LINGO2: variants seen among roughly 807,000 people sequenced by gnomAD.
The protein encoded by LINGO2 is leucine-rich repeat and immunoglobulin-like domain-containing nogo receptor-interacting protein 2.
Under a neutral mutation model 30.6 loss-of-function variants are expected in LINGO2, and 14 were observed. That is an observed-to-expected ratio of 0.46 (90% confidence interval 0.30 to 0.72). LINGO2 has a LOEUF of 0.72. Among genes scored for constraint, LINGO2 ranks in the 30% least tolerant of loss-of-function variants. The pLI, the probability that LINGO2 is intolerant of heterozygous loss-of-function variation, is 0.07. For synonymous variants in LINGO2, 317 were observed against 288.5 expected (o/e 1.10, Z -1.00); for missense variants, 729 against 751.7 (o/e 0.97, Z 0.35).
intron 1 of LINGO2, among the ~76,000 whole-genome samples, chr9:28,546,456 G>T (rs1467336184): frequency 6.6e-6 from 1 of 151,996 alleles, no homozygotes; most frequent in Non-Finnish European, 1.5e-5. Context: ...AACTCAGCAA[G>T]GCTTGTTTGT....
chr9:28,935,263 G>C, the LINGO2 span, among the ~76,000 whole-genome samples: 2 of 152,012 alleles, frequency 1.3e-5, no homozygotes, highest in African/African-American at 4.8e-5. Context: ...CATTCAACCG[G>C]AATAACAGCA....
At chr9:29,182,823 T>G in the LINGO2 span, among the ~76,000 whole-genome samples, 1 of 152,132 alleles carries the variant, frequency 6.6e-6, no homozygotes, top group Non-Finnish European at 1.5e-5. Flanking sequence ...ATAGTGTAAC[T>G]GATTTTAGAG....
At chr9:28,468,050 A>G (rs182611576) in intron 2 of LINGO2, among the ~76,000 whole-genome samples, 65 of 152,314 alleles carry the variant, frequency 4.3e-4, no homozygotes, top group Middle Eastern at 3.4e-3. Context: ...CCTTTTATCC[A>G]TCACAGAAAA....
the LINGO2 span, among the ~76,000 whole-genome samples, chr9:28,953,805 A>T: frequency 6.6e-6 from 1 of 152,128 alleles, no homozygotes; most frequent in Non-Finnish European, 1.5e-5. Flanking sequence ...ATCAGTTACA[A>T]TATAAAATCT....
At chr9:27,987,950 C>T (rs910327013) in intron 5 of LINGO2, among the ~76,000 whole-genome samples, 3 of 152,042 alleles carry the variant, frequency 2.0e-5, no homozygotes, top group African/African-American at 4.8e-5. Context: ...CGTGCTGCAT[C>T]CATTAACTCG....
chr9:28,632,447 A>T (rs1826990206), intron 1 of LINGO2, among the ~76,000 whole-genome samples: 1 of 151,436 alleles, frequency 6.6e-6, no homozygotes, highest in Non-Finnish European at 1.5e-5. Context: ...TATTCATAAA[A>T]TAAGCAAAAA....
chr9:27,974,687 T>C (rs577158966), intron 5 of LINGO2, among the ~76,000 whole-genome samples: 1 of 152,138 alleles, frequency 6.6e-6, no homozygotes, highest in African/African-American at 2.4e-5. Flanking sequence ...CCATAAACAG[T>C]TGGGCTTAAC....
chr9:28,315,874 A>G lies in LINGO2; in HGVS notation c.-245-20508T>C, dbSNP rs74979090. 1.5e-3 allele frequency among the ~76,000 whole-genome samples: 227 copies of G among 152,326 alleles called. 4 individuals are homozygous for G. In the East Asian group the frequency reaches 0.04, roughly 27 times the overall value. On this transcript the variant is annotated intron_variant, in intron 3 of 5. Coordinates refer to ENST00000379992, the Ensembl canonical transcript of LINGO2. ...AATTCTTAGTATAGGGTATAATAATAGCGTAAGATTTGTGAATATGCAAAT... is the reference window on the plus strand; with the variant it reads ...AATTCTTAGTATAGGGTATAATAATGGCGTAAGATTTGTGAATATGCAAAT...
chr9:28,026,075 T>C (rs1346575412), intron 4 of LINGO2, among the ~76,000 whole-genome samples: 1 of 152,198 alleles, frequency 6.6e-6, no homozygotes, highest in Non-Finnish European at 1.5e-5. Flanking sequence ...GGCCTTCCTT[T>C]GCTTCTCTAC....
At chr9:28,205,297 G>A (rs1820371514) in intron 4 of LINGO2, among the ~76,000 whole-genome samples, 1 of 152,162 alleles carries the variant, frequency 6.6e-6, no homozygotes, top group Admixed American at 6.5e-5. Flanking sequence ...ATGTACCTGT[G>A]TTTTGCTGTT....
At chr9:28,569,334 C>T (rs1823555629) in intron 1 of LINGO2, among the ~76,000 whole-genome samples, 1 of 151,846 alleles carries the variant, frequency 6.6e-6, no homozygotes, top group Non-Finnish European at 1.5e-5. Flanking sequence ...GATAGTTGTA[C>T]TCTCCTGTTC....
intron 3 of LINGO2, among the ~76,000 whole-genome samples, chr9:28,296,156 G>C (rs1305033531): frequency 6.6e-6 from 1 of 152,086 alleles, no homozygotes; most frequent in African/African-American, 2.4e-5. Context: ...AACTTAATTA[G>C]CATGTTTGAC....
chr9:28,194,283 A>C (rs1444564067), intron 4 of LINGO2, among the ~76,000 whole-genome samples: 1 of 152,190 alleles, frequency 6.6e-6, no homozygotes, highest in Non-Finnish European at 1.5e-5. Context: ...AATATATGCC[A>C]CAAAATATAA....
At chr9:28,055,039 A>AAT (rs560309766) in intron 4 of LINGO2, among the ~76,000 whole-genome samples, 5 of 151,774 alleles carry the variant, frequency 3.3e-5, no homozygotes, top group East Asian at 3.9e-4. Context: ...TTGCAAAAAA[A>AAT]ATATATATAG....
chr9:28,255,373 A>G (rs1822348818), intron 4 of LINGO2, among the ~76,000 whole-genome samples: 1 of 152,068 alleles, frequency 6.6e-6, no homozygotes, highest in Admixed American at 6.6e-5. Context: ...CTGTAGAGAA[A>G]TGCTGTATCA....
chr9:29,171,864 A>C, the LINGO2 span, among the ~76,000 whole-genome samples: 1 of 151,938 alleles, frequency 6.6e-6, no homozygotes, highest in Admixed American at 6.6e-5. Flanking sequence ...AGAAAGTAAA[A>C]ATTCAGACAA....
intron 3 of LINGO2, among the ~76,000 whole-genome samples, chr9:28,345,877 T>A (rs1331444247): frequency 6.6e-6 from 1 of 152,120 alleles, no homozygotes; most frequent in Non-Finnish European, 1.5e-5. Flanking sequence ...ATAGCAAAAG[T>A]CCTTATATAA....
At chr9:29,136,074 C>T in the LINGO2 span, among the ~76,000 whole-genome samples, 1 of 152,194 alleles carries the variant, frequency 6.6e-6, no homozygotes, top group Non-Finnish European at 1.5e-5. Context: ...CCTCTCACTT[C>T]CCATCCACTC....
chr9:29,200,847 G>C, the LINGO2 span, among the ~76,000 whole-genome samples: 1 of 152,038 alleles, frequency 6.6e-6, no homozygotes, highest in African/African-American at 2.4e-5. Context: ...TGTTTTTGAT[G>C]AGCTTGACAG....
Sources: allele counts gnomAD v4.1 joint callset (sites outside exome capture counted in the v4.1 genomes callset), GRCh38; gene constraint gnomAD v4.1.1; transcripts MANE v1.5; gene names NCBI Gene and HGNC (gene_info 2026-07-23, HGNC 2026-07-21).